The following PPFIA2 variants were observed in gnomAD, a reference collection of about 807,000 sequenced individuals.
PPFIA2 encodes the protein liprin-alpha-2.
In PPFIA2, 46 loss-of-function variants were observed where a neutral mutation model predicts 175.5. The ratio of observed to expected loss-of-function variants is 0.26; its 90% confidence interval spans 0.21 to 0.34. The LOEUF (loss-of-function observed/expected upper bound fraction) is 0.34. Among genes scored for constraint, PPFIA2 ranks in the 10% least tolerant of loss-of-function variants. PPFIA2 has a pLI of 1.00. For synonymous variants in PPFIA2, 568 were observed against 511.4 expected (o/e 1.11, Z -1.49); for missense variants, 1,179 against 1,506.1 (o/e 0.78, Z 3.60).
intron 4 of PPFIA2, among the ~76,000 whole-genome samples, chr12:81,647,569 G>A (rs1304017317): frequency 1.3e-5 from 2 of 151,416 alleles, no homozygotes; most frequent in Non-Finnish European, 2.9e-5. Context: ...AGACCATCCT[G>A]GCTAACATGG....
chr12:81,486,013 A>G (rs888537069), intron 4 of PPFIA2, among the ~76,000 whole-genome samples: 2 of 151,936 alleles, frequency 1.3e-5, no homozygotes, highest in Non-Finnish European at 2.9e-5. Flanking sequence ...CTTTTCATTT[A>G]GCTCATTGTA....
intron 4 of PPFIA2, among the ~76,000 whole-genome samples, chr12:81,529,877 T>A (rs557567352): frequency 6.6e-6 from 1 of 151,978 alleles, no homozygotes; most frequent in South Asian, 2.1e-4. Flanking sequence ...GGTACTAGGC[T>A]TAATACCTTG....
At chr12:81,341,276 G>T in intron 19 of PPFIA2, 68 bp from the exon 20 acceptor site, 1 of 1,483,278 alleles carries the variant, frequency 6.7e-7, no homozygotes, top group Non-Finnish European at 9.2e-7. Flanking sequence ...CACAAATGGA[G>T]AATCATGAGA....
At chr12:81,397,258 GAAGA>G (rs751987862) in intron 8 of PPFIA2, among the ~76,000 whole-genome samples, 13 of 151,900 alleles carry the variant, frequency 8.6e-5, no homozygotes, top group Non-Finnish European at 1.6e-4. Context: ...GCCCTGGGGT[GAAGA>G]AAGAAAGAGA....
intron 16 of PPFIA2, among the ~76,000 whole-genome samples, chr12:81,353,685 A>C (rs562910755): frequency 1.0e-3 from 152 of 152,272 alleles, no homozygotes; most frequent in African/African-American, 3.3e-3. Context: ...ATTTGTACTC[A>C]AGCACTCACG....
rs1566392751 is a variant in PPFIA2, at chr12:81,355,128, T to C, written c.1774-1789A>G. Reference sequence around the variant, plus strand: ...TATAATACTTGAAAGCCAAAATTACTGCTTTATCCACGGGCTACAGAATGA... The same window carrying C: ...TATAATACTTGAAAGCCAAAATTACCGCTTTATCCACGGGCTACAGAATGA... On this transcript the variant is annotated intron_variant, in intron 16 of 32. Coordinates refer to ENST00000549396, the MANE Select transcript of PPFIA2 (RefSeq NM_003625.5). 2.0e-5 allele frequency among the ~76,000 whole-genome samples: 3 copies of C among 152,318 alleles called. No individual in the cohort carries two copies. The East Asian group carries it at 5.8e-4, about 29-fold the overall frequency.
intron 4 of PPFIA2, among the ~76,000 whole-genome samples, chr12:81,517,887 G>A (rs942002429): frequency 6.8e-6 from 1 of 148,006 alleles, no homozygotes; most frequent in Admixed American, 6.9e-5. Context: ...CTACTCTCAG[G>A]TGACACTGCC....
chr12:81,745,041 C>A (rs1018638675), intron 3 of PPFIA2, among the ~76,000 whole-genome samples: 5 of 152,122 alleles, frequency 3.3e-5, no homozygotes, highest in Non-Finnish European at 7.4e-5. Context: ...ATTTAGTAAC[C>A]ATTTTATCTC....
intron 4 of PPFIA2, among the ~76,000 whole-genome samples, chr12:81,588,297 G>A (rs1429497470): frequency 6.6e-6 from 1 of 151,894 alleles, no homozygotes; most frequent in Non-Finnish European, 1.5e-5. Context: ...AAGGAGGGGT[G>A]ATAAGGAAAA....
At chr12:81,599,290 T>A (rs943805482) in intron 4 of PPFIA2, among the ~76,000 whole-genome samples, 2 of 151,960 alleles carry the variant, frequency 1.3e-5, no homozygotes, top group Non-Finnish European at 2.9e-5. Flanking sequence ...CTGTAAAGGA[T>A]GATGATTTAC....
chr12:81,755,102 T>C (rs1206047990), intron 2 of PPFIA2, among the ~76,000 whole-genome samples: 2 of 152,222 alleles, frequency 1.3e-5, no homozygotes, highest in Non-Finnish European at 2.9e-5. Flanking sequence ...TCATAAATTA[T>C]ATTAGCTAAT....
At chr12:81,329,847 C>T (rs1488104286) in intron 21 of PPFIA2, among the ~76,000 whole-genome samples, 2 of 152,238 alleles carry the variant, frequency 1.3e-5, no homozygotes, top group East Asian at 1.9e-4. Flanking sequence ...CATTTCGATG[C>T]TTCCAGTGAT....
intron 4 of PPFIA2, among the ~76,000 whole-genome samples, chr12:81,589,328 T>TA (rs1050388315): frequency 6.6e-6 from 1 of 152,040 alleles, no homozygotes; most frequent in Non-Finnish European, 1.5e-5. Context: ...AGAACATTCT[T>TA]AAAAAAACAA....
At chr12:81,643,774 AT>A (rs1229879404) in intron 4 of PPFIA2, among the ~76,000 whole-genome samples, 1 of 151,982 alleles carries the variant, frequency 6.6e-6, no homozygotes, top group Non-Finnish European at 1.5e-5. Context: ...TTATTCTGCG[AT>A]TTTGTCGTAG....
rs531157322 is a variant in PPFIA2, at chr12:81,439,843, C to G, written c.645+129G>C. 5.0e-5 allele frequency: 40 copies of G among 799,708 alleles called. No individual in the cohort carries two copies. The African/African-American group carries it at 6.9e-4, about 14-fold the overall frequency. 49.5% of individuals were successfully genotyped at this position (799,708 alleles called of 1,614,324 possible). Reference sequence around the variant, plus strand: ...GACTCCGGCAACTAATTTCAACAAGCCTTGTTCAATGGCATAGACAGAATG... The same window carrying G: ...GACTCCGGCAACTAATTTCAACAAGGCTTGTTCAATGGCATAGACAGAATG... On this transcript the variant is annotated intron_variant, in intron 7 of 32. Transcript: ENST00000549396.
intron 4 of PPFIA2, among the ~76,000 whole-genome samples, chr12:81,539,587 T>A (rs775328451): frequency 2.6e-5 from 4 of 151,932 alleles, no homozygotes; most frequent in Non-Finnish European, 5.9e-5. Flanking sequence ...GCAATTTGTG[T>A]TTTAGTAACT....
chr12:81,637,608 G>A (rs1160885742), intron 4 of PPFIA2, among the ~76,000 whole-genome samples: 2 of 151,922 alleles, frequency 1.3e-5, no homozygotes, highest in Non-Finnish European at 2.9e-5. Context: ...TGATTCCTCT[G>A]TTACACTATG....
chr12:81,441,557 A>G (rs1030642893), intron 6 of PPFIA2, among the ~76,000 whole-genome samples: 1 of 152,122 alleles, frequency 6.6e-6, no homozygotes, highest in African/African-American at 2.4e-5. Context: ...CATAGGATTA[A>G]TGCTGATTAA....
In PPFIA2 at chr12:81,259,523, C is replaced by T; in HGVS notation, c.*171G>A. 1 of 1,046,110 alleles carries T rather than the reference C, an allele frequency of 9.6e-7. No homozygotes were observed. The highest frequency in any genetic ancestry group is 1.4e-6 in the Non-Finnish European group (1 of 715,556). The allele number at this position is 1,046,110 out of a possible 1,614,324, so 64.8% of individuals were successfully genotyped here. A position where few individuals can be genotyped will look rare whatever the true frequency, so the allele number is the denominator to read the frequency against. ...TAATCAAATGTAATATCTGACTCCCCCCAAAAATCACATTTTTCAGCTTTT... is the reference window on the plus strand; with the variant it reads ...TAATCAAATGTAATATCTGACTCCCTCCAAAAATCACATTTTTCAGCTTTT... On this transcript the variant is annotated 3_prime_UTR_variant, in exon 33 of 33. Transcript: ENST00000549396.
Sources: allele counts gnomAD v4.1 joint callset (sites outside exome capture counted in the v4.1 genomes callset), GRCh38; gene constraint gnomAD v4.1.1; transcripts MANE v1.5; gene names NCBI Gene and HGNC (gene_info 2026-07-23, HGNC 2026-07-21).